OXNAD1: variants seen among roughly 807,000 people sequenced by gnomAD.
The protein encoded by OXNAD1 is oxidoreductase NAD-binding domain-containing protein 1.
OXNAD1 carries 34 observed loss-of-function variants against 32.9 expected under a neutral mutation model. That is an observed-to-expected ratio of 1.03 (90% confidence interval 0.79 to 1.38). OXNAD1 has a LOEUF of 1.38. Among genes scored for constraint, OXNAD1 ranks in the 40% most tolerant of loss-of-function variants. The pLI, the probability that OXNAD1 is intolerant of heterozygous loss-of-function variation, is 0.00. For synonymous variants in OXNAD1, 134 were observed against 135.2 expected (o/e 0.99, Z 0.06); for missense variants, 407 against 379.4 (o/e 1.07, Z -0.60).
chr3:16,347,494 TTTC>T lies in OXNAD1; in HGVS notation c.*31-1679_*31-1677del, dbSNP rs556348516. 45 of 152,386 alleles carry T rather than the reference TTTC, an allele frequency of 3.0e-4. 1 individual carries two copies. The highest frequency in any genetic ancestry group is 1.0e-3 in the African/African-American group (43 of 41,590). 9.4% of individuals were successfully genotyped at this position (152,386 alleles called of 1,614,324 possible). The stretch of plus-strand genomic sequence containing the variant: ...TTTCCAGCACTAGTGGCTGCTGGCA[TTTC>T]TTGTCTTGTGGCCTCACTACTCCAA... On this transcript the variant is annotated intron_variant, in intron 9 of 9. Transcript: ENST00000606098.
intron 4 of OXNAD1, among the ~76,000 whole-genome samples, chr3:16,281,670 T>C (rs937548487): frequency 2.6e-5 from 4 of 152,180 alleles, no homozygotes; most frequent in East Asian, 3.8e-4. Flanking sequence ...GAATTTTACA[T>C]TTGGACATTG....
rs555411870 is a variant in OXNAD1, at chr3:16,269,154, A to G, written c.-130A>G. 1.1e-5 allele frequency: 17 copies of G among 1,499,222 alleles called. No homozygotes were observed. Among genetic ancestry groups the G allele is most frequent in the African/African-American group, 1.1e-4 (8 of 70,982 alleles). 92.9% of individuals were successfully genotyped at this position (1,499,222 alleles called of 1,614,324 possible). On this transcript the variant is annotated 5_prime_UTR_variant, in exon 2 of 9. Transcript: ENST00000285083. ...CTTTGTGAGAATTTTAATGCATGGA[A>G]AAGCTGTCCATGTTCCAACTGCTGT...
At chr3:16,339,655 T>G (rs2071178510), downstream of OXNAD1, 1 of 152,200 alleles carries the variant, frequency 6.6e-6, no homozygotes, top group African/African-American at 2.4e-5. Context: ...CAATCCTATT[T>G]GGGGTCCTCT....
At position 16,346,668 on chromosome 3, in the gene OXNAD1, C is replaced by T. The variant is rs185492122; in HGVS notation, c.*31-2508C>T. Among the ~76,000 whole-genome samples, 5 of 152,254 alleles carry T rather than the reference C, an allele frequency of 3.3e-5. No individual in the cohort carries two copies. Among genetic ancestry groups the T allele is most frequent in the African/African-American group, 1.2e-4 (5 of 41,540 alleles). On this transcript the variant is annotated intron_variant, in intron 9 of 9. Coordinates refer to the OXNAD1 transcript ENST00000606098. This position sits in a 1 kb window ranked among gnomAD's most constrained non-coding sequence, Gnocchi z 4.4. ...TGTGACTCAGTCCTGGCCAATGAGA[C>T]CTGAGGAAATCTCTGTTGTGGGTTT...
At chr3:16,310,295 CTT>C (rs1483395844), downstream of OXNAD1, among the ~76,000 whole-genome samples, 2 of 151,892 alleles carry the variant, frequency 1.3e-5, no homozygotes, top group African/African-American at 2.4e-5. Context: ...AGTTGATTCT[CTT>C]GTTTTTTTTT....
downstream of OXNAD1, among the ~76,000 whole-genome samples, chr3:16,307,221 C>T (rs73037483): frequency 6.4e-3 from 973 of 152,264 alleles, 8 homozygotes; most frequent in South Asian, 0.012. Flanking sequence ...GCTTTTTATA[C>T]ATTTGATTGT....
At position 16,265,754 on chromosome 3, in the gene OXNAD1, A is replaced by C. The variant is rs2064444903; in HGVS notation, c.-159+249A>C. On this transcript the variant is annotated intron_variant, in intron 1 of 8. Coordinates refer to ENST00000285083, the MANE Select transcript of OXNAD1 (RefSeq NM_138381.5). This position sits in a 1 kb window ranked among gnomAD's most constrained non-coding sequence, Gnocchi z 4.8. ...GTTTACATGTTATTCCATTTTATTA[A>C]TCTTTAAACTGAGGTACAGAGAGTT... The C allele has an allele frequency of 1.9e-6, 1 of 518,730 alleles. No homozygotes were observed. Among genetic ancestry groups the C allele is most frequent in the Non-Finnish European group, 2.5e-6 (1 of 403,748 alleles). 32.1% of individuals were successfully genotyped at this position (518,730 alleles called of 1,614,324 possible).
intron 5 of OXNAD1, among the ~76,000 whole-genome samples, chr3:16,294,312 T>C: frequency 6.6e-6 from 1 of 152,074 alleles, no homozygotes; most frequent in East Asian, 1.9e-4. Context: ...AGGTGATTCT[T>C]CTGCCTCAGC....
downstream of OXNAD1, among the ~76,000 whole-genome samples, chr3:16,337,887 CT>C (rs2071016648): frequency 6.6e-6 from 1 of 152,178 alleles, no homozygotes; most frequent in African/African-American, 2.4e-5. This position sits in a 1 kb window ranked among gnomAD's most constrained non-coding sequence, Gnocchi z 5.0. Context: ...AGGCCGGACA[CT>C]TTGGCCTTGC....
chr3:16,275,894 T>G (rs2065283077), intron 4 of OXNAD1: 1 of 153,234 alleles, frequency 6.5e-6, no homozygotes, highest in Non-Finnish European at 1.5e-5. Flanking sequence ...CTTCTGAATT[T>G]GAAATTATCA....
intron 9 of OXNAD1, among the ~76,000 whole-genome samples, chr3:16,331,420 A>G (rs1575004735): frequency 1.3e-5 from 2 of 152,316 alleles, no homozygotes; most frequent in African/African-American, 4.8e-5. Flanking sequence ...TCAAAAGTCA[A>G]TGTTTGTGTT....
rs2068161047 is a variant in OXNAD1 at position 16,314,056 on chromosome 3, ACAT to A, written c.*30+10465_*30+10467del. On this transcript the variant is annotated intron_variant, in intron 9 of 9. Transcript: ENST00000435829. This position sits in a 1 kb window ranked among gnomAD's most constrained non-coding sequence, Gnocchi z 4.4. ...TCAGCCACAACATCGTAGGAATGCC[ACAT>A]TTCAATCACCTGATAACCACCTGAT... Among the ~76,000 whole-genome samples, 1 of 152,066 alleles carries A rather than the reference ACAT, an allele frequency of 6.6e-6. No individual in the cohort carries two copies. The highest frequency in any genetic ancestry group is 1.5e-5 in the Non-Finnish European group (1 of 68,018).
intron 9 of OXNAD1, among the ~76,000 whole-genome samples, chr3:16,318,009 A>G (rs2068613616): frequency 1.3e-5 from 2 of 152,160 alleles, no homozygotes; most frequent in African/African-American, 4.8e-5. Flanking sequence ...AAAAACTTCC[A>G]ATCTCAGAGG....
rs372332045 is a variant in OXNAD1 at position 16,303,376 on chromosome 3, C to T, written c.785-32C>T. On this transcript the variant is annotated intron_variant, in intron 8 of 8. Transcript: ENST00000285083. The surrounding 1 kb of genome is among the most constrained non-coding windows in gnomAD (Gnocchi z 4.8). ...CATTTGCTGATACAACCATGTCTGG[C>T]TTAATTTGGTGTTTATTCTGGTTTT... The T allele has an allele frequency of 3.7e-5, 60 of 1,609,904 alleles. No individual in the cohort carries two copies. The highest frequency in any genetic ancestry group is 4.9e-5 in the Non-Finnish European group (58 of 1,177,540).
chr3:16,306,265 GGCTTCCATGACTAGCAGCATT>G (rs2067553550), downstream of OXNAD1, among the ~76,000 whole-genome samples: 1 of 152,122 alleles, frequency 6.6e-6, no homozygotes, highest in Non-Finnish European at 1.5e-5. Context: ...TCCATCACCC[GGCTTCCATGACTAGCAGCATT>G]CTGTTTTTGT....
downstream of OXNAD1, among the ~76,000 whole-genome samples, chr3:16,308,202 A>C (rs1444425834): frequency 6.6e-6 from 1 of 152,212 alleles, no homozygotes; most frequent in African/African-American, 2.4e-5. This position sits in a 1 kb window ranked among gnomAD's most constrained non-coding sequence, Gnocchi z 4.4. Context: ...ATTTCGACAA[A>C]ATTGAAAGTG....
chr3:16,339,360 G>A (rs2071153228), downstream of OXNAD1: 1 of 152,186 alleles, frequency 6.6e-6, no homozygotes, highest in African/African-American at 2.4e-5. Context: ...GCTCTTTGAG[G>A]ACCCAGCTCT....
intron 4 of OXNAD1, among the ~76,000 whole-genome samples, chr3:16,273,943 A>G (rs1319793320): frequency 1.3e-5 from 2 of 152,092 alleles, no homozygotes; most frequent in African/African-American, 4.8e-5. Flanking sequence ...TAAGGTTATC[A>G]CCACTTATCT....
At chr3:16,272,922 T>C (rs192697314) in intron 4 of OXNAD1, among the ~76,000 whole-genome samples, 25 of 152,158 alleles carry the variant, frequency 1.6e-4, no homozygotes, top group African/African-American at 6.0e-4. Flanking sequence ...AGAGCAGAGG[T>C]TGAAAATCTT....
Sources: gnomAD v4.1 joint callset for allele counts (sites outside exome capture counted in the v4.1 genomes callset) on GRCh38, gnomAD v4.1.1 for gene constraint, Gnocchi (gnomAD v3.1) non-coding constraint, MANE v1.5 for transcripts, NCBI Gene and HGNC (gene_info 2026-07-23, HGNC 2026-07-21) for gene names.